LDLRAD4: variants seen among roughly 807,000 people sequenced by gnomAD.
LDLRAD4 encodes the protein low density lipoprotein receptor class A domain containing 4.
Under a neutral mutation model 17.0 loss-of-function variants are expected in LDLRAD4, and 5 were observed. The ratio of observed to expected loss-of-function variants is 0.29; its 90% CI spans 0.15 to 0.62. LDLRAD4 has a LOEUF of 0.62. Among genes scored for constraint, LDLRAD4 ranks in the 20% least tolerant of loss-of-function variants. The probability of loss-of-function intolerance (pLI) is 0.84; values close to 1 mark genes in which losing one functional copy is unlikely to be tolerated. For synonymous variants in LDLRAD4, 168 were observed against 171.8 expected (o/e 0.98, Z 0.17); for missense variants, 340 against 424.7 (o/e 0.80, Z 1.75).
At chr18:13,411,328 A>C (rs1031392118) in intron 2 of LDLRAD4, among the ~76,000 whole-genome samples, 3 of 136,586 alleles carry the variant, frequency 2.2e-5, no homozygotes, top group Non-Finnish European at 4.8e-5. Flanking sequence ...TAGTATGCTT[A>C]TCTCATAGTT....
chr18:13,424,680 G>A (rs114198955), intron 2 of LDLRAD4, among the ~76,000 whole-genome samples: 4,233 of 152,278 alleles, frequency 0.028, 99 homozygotes, highest in Admixed American at 0.055. Context: ...TTGGCGAAGG[G>A]TTTTTCTGTT....
At chr18:13,407,066 G>A (rs1453422800) in intron 2 of LDLRAD4, among the ~76,000 whole-genome samples, 1 of 152,174 alleles carries the variant, frequency 6.6e-6, no homozygotes, top group Non-Finnish European at 1.5e-5. Context: ...AGTAAACAAA[G>A]TGCGTGGCGG....
intron 3 of LDLRAD4, among the ~76,000 whole-genome samples, chr18:13,479,382 A>T (rs1356195092): frequency 1.3e-5 from 2 of 152,248 alleles, no homozygotes; most frequent in Non-Finnish European, 2.9e-5. Context: ...GCACTTTGGG[A>T]GGCCAAGACA....
Position 13,645,100 on chromosome 18 carries a change from T to C in LDLRAD4, c.391-27T>C, listed in dbSNP as rs1490057073. 2 of 1,577,250 alleles carry C rather than the reference T, an allele frequency of 1.3e-6. No homozygotes were observed. The highest frequency in any genetic ancestry group is 1.3e-5 in the African/African-American group (1 of 74,306). On this transcript the variant is annotated intron_variant, in intron 5 of 5. Transcript: ENST00000359446. This position sits in a 1 kb window ranked among gnomAD's most constrained non-coding sequence, Gnocchi z 5.7. ...TGGTCATCATTGCGCTCAAACTGTCTTCAAGCCTCTCCTCTTTTCCTTCCA... is the reference window on the plus strand; with the variant it reads ...TGGTCATCATTGCGCTCAAACTGTCCTCAAGCCTCTCCTCTTTTCCTTCCA...
chr18:13,323,369 C>T (rs1229212999), intron 1 of LDLRAD4, among the ~76,000 whole-genome samples: 4 of 152,212 alleles, frequency 2.6e-5, no homozygotes, highest in Non-Finnish European at 5.9e-5. Context: ...AGTGAGCTCT[C>T]GTGCTGTGAA....
chr18:13,556,981 A>G (rs1300173694), intron 3 of LDLRAD4, among the ~76,000 whole-genome samples: 1 of 152,172 alleles, frequency 6.6e-6, no homozygotes, highest in Non-Finnish European at 1.5e-5. Flanking sequence ...ACGTTACAGC[A>G]CTTTCATCTG....
chr18:13,349,680 T>C (rs747173330), intron 1 of LDLRAD4, among the ~76,000 whole-genome samples: 3 of 152,346 alleles, frequency 2.0e-5, no homozygotes, highest in Admixed American at 1.3e-4. Flanking sequence ...GTTTGTTACA[T>C]AGGTATACAT....
chr18:13,359,110 T>C (rs887671765), intron 1 of LDLRAD4, among the ~76,000 whole-genome samples: 3 of 152,202 alleles, frequency 2.0e-5, no homozygotes, highest in Non-Finnish European at 4.4e-5. Flanking sequence ...GGTTACTCCA[T>C]GGAATCCCAA....
chr18:13,621,406 A>T lies in LDLRAD4; in HGVS notation c.336+135A>T. 1 of 663,354 alleles carries T rather than the reference A, an allele frequency of 1.5e-6. No homozygotes were observed. The allele number at this position is 663,354 out of a possible 1,614,324, so 41.1% of individuals were successfully genotyped here. On this transcript the variant is annotated intron_variant, in intron 4 of 5. Coordinates refer to ENST00000359446, the Ensembl canonical transcript of LDLRAD4. This position sits in a 1 kb window ranked among gnomAD's most constrained non-coding sequence, Gnocchi z 5.5. ...GCGAAGCGCACCTCGTAAGTGTTCC[A>T]CTTAGTGAGTCCCCACAAACTGAAC...
At chr18:13,481,321 G>A (rs915349163) in intron 3 of LDLRAD4, among the ~76,000 whole-genome samples, 2 of 152,188 alleles carry the variant, frequency 1.3e-5, no homozygotes, top group Non-Finnish European at 2.9e-5. Flanking sequence ...CCTCTCCTGT[G>A]CCTCAGCTCT....
intron 2 of LDLRAD4, among the ~76,000 whole-genome samples, chr18:13,407,913 G>T (rs1159168718): frequency 6.6e-6 from 1 of 152,190 alleles, no homozygotes; most frequent in Non-Finnish European, 1.5e-5. Context: ...TAATTAGTCA[G>T]TTTGACAAAC....
At chr18:13,318,196 A>AC (rs2081031439) in intron 1 of LDLRAD4, among the ~76,000 whole-genome samples, 1 of 152,128 alleles carries the variant, frequency 6.6e-6, no homozygotes, top group Non-Finnish European at 1.5e-5. Context: ...CCTGCGCACC[A>AC]CTGCCTCCTT....
At chr18:13,331,102 G>A (rs1284423273) in intron 1 of LDLRAD4, among the ~76,000 whole-genome samples, 3 of 152,198 alleles carry the variant, frequency 2.0e-5, no homozygotes, top group Admixed American at 2.0e-4. Context: ...TCTGTAAGCT[G>A]CTCTAGCTAG....
intron 4 of LDLRAD4, among the ~76,000 whole-genome samples, chr18:13,633,490 C>T (rs1486469854): frequency 6.6e-6 from 1 of 152,210 alleles, no homozygotes; most frequent in Non-Finnish European, 1.5e-5. Flanking sequence ...CAGGCCCACA[C>T]CAACCCACCC....
intron 3 of LDLRAD4, among the ~76,000 whole-genome samples, chr18:13,466,113 T>G (rs1424119592): frequency 6.6e-6 from 1 of 152,146 alleles, no homozygotes; most frequent in Non-Finnish European, 1.5e-5. Flanking sequence ...GAGCATAATT[T>G]TCATATAGTA....
chr18:13,611,444 G>T (rs1304900496), intron 3 of LDLRAD4: 1 of 985,340 alleles, frequency 1.0e-6, no homozygotes, highest in South Asian at 4.7e-5. Context: ...CAGACTCGCA[G>T]CCTGCCCTGA....
chr18:13,261,910 G>A (rs1032270657), intron 1 of LDLRAD4, among the ~76,000 whole-genome samples: 3 of 152,224 alleles, frequency 2.0e-5, no homozygotes, highest in Non-Finnish European at 2.9e-5. Flanking sequence ...GGAGATGGGG[G>A]TGGAGCTGTG....
chr18:13,484,548 G>A (rs1036049807), intron 3 of LDLRAD4, among the ~76,000 whole-genome samples: 3 of 152,166 alleles, frequency 2.0e-5, no homozygotes, highest in African/African-American at 4.8e-5. Context: ...CATCGAGGCT[G>A]CAGTGAGGTC....
intron 1 of LDLRAD4, among the ~76,000 whole-genome samples, chr18:13,322,547 G>A (rs562456073): frequency 6.6e-5 from 10 of 152,078 alleles, no homozygotes; most frequent in Admixed American, 2.6e-4. Context: ...TGATCCACCT[G>A]CCTCAGCCTC....
Sources: allele counts gnomAD v4.1 joint callset (sites outside exome capture counted in the v4.1 genomes callset), GRCh38; gene constraint gnomAD v4.1.1; non-coding constraint Gnocchi (gnomAD v3.1); transcripts MANE v1.5; gene names NCBI Gene and HGNC (gene_info 2026-07-23, HGNC 2026-07-21).